The following ASIC2 variants were observed in gnomAD, a reference collection of about 807,000 sequenced individuals.
The protein encoded by ASIC2 is acid-sensing ion channel 2.
A neutral mutation model predicts 57.3 loss-of-function variants in ASIC2; 25 were observed. That is an observed-to-expected ratio of 0.44 (90% confidence interval 0.32 to 0.61). ASIC2 has a LOEUF of 0.61. Ranked by LOEUF, ASIC2 falls within the 20% of genes least tolerant of loss-of-function variation. ASIC2 has a pLI of 0.06. For missense variants in ASIC2, 641 were observed against 738.1 expected (o/e 0.87, Z 1.52); for synonymous variants, 319 against 307.5 (o/e 1.04, Z -0.39).
At chr17:33,158,260 G>A (rs768055652) in intron 1 of ASIC2, among the ~76,000 whole-genome samples, 5 of 151,618 alleles carry the variant, frequency 3.3e-5, no homozygotes, top group Middle Eastern at 3.4e-3. Context: ...GCGCATAGGA[G>A]GTGCTCAGCA....
At chr17:34,091,630 C>G in intron 1 of ASIC2, among the ~76,000 whole-genome samples, 1 of 152,198 alleles carries the variant, frequency 6.6e-6, no homozygotes, top group African/African-American at 2.4e-5. Flanking sequence ...ACTTTTCTTT[C>G]TCAAGTGGAA....
rs555092808 is a variant in ASIC2, at chr17:33,410,344, G to T, written c.556-298277C>A. On this transcript the variant is annotated intron_variant, in intron 1 of 9. Transcript: ENST00000359872. ...GTAGACTCTCATCTAGATGAGTAAGGGGTACTAAGGGTTTAGAAACGTACA... is the reference window on the plus strand; with the variant it reads ...GTAGACTCTCATCTAGATGAGTAAGTGGTACTAAGGGTTTAGAAACGTACA... Among the ~76,000 whole-genome samples, 6 of 152,252 alleles carry T rather than the reference G, an allele frequency of 3.9e-5. No individual in the cohort carries two copies. In the South Asian group the frequency reaches 1.2e-3, roughly 32 times the overall value.
intron 1 of ASIC2, among the ~76,000 whole-genome samples, chr17:33,764,941 G>C (rs1035827523): frequency 6.6e-6 from 1 of 152,020 alleles, no homozygotes; most frequent in Non-Finnish European, 1.5e-5. Context: ...CATCAGCCTG[G>C]GCGTATGCTG....
intron 5 of ASIC2, among the ~76,000 whole-genome samples, chr17:33,025,408 C>T (rs1454862767): frequency 6.6e-6 from 1 of 152,124 alleles, no homozygotes; most frequent in Non-Finnish European, 1.5e-5. Context: ...CATTTGCATG[C>T]ATGGAATGCA....
In ASIC2 at chr17:33,127,909, C is replaced by G. The variant is rs528063066; in HGVS notation, c.709-15842G>C. On this transcript the variant is annotated intron_variant, in intron 1 of 9. Coordinates refer to ENST00000225823, the MANE Select transcript of ASIC2 (RefSeq NM_183377.2). Reference sequence around the variant, plus strand: ...GGGCTGGCATATTGTTGAGAAATCACAAGACCTGGGCCCCACCCAATTCCT... The same window carrying G: ...GGGCTGGCATATTGTTGAGAAATCAGAAGACCTGGGCCCCACCCAATTCCT... Among the ~76,000 whole-genome samples, 17 of 152,332 alleles carry G rather than the reference C, an allele frequency of 1.1e-4. No homozygotes were observed. In the East Asian group the frequency reaches 3.1e-3, roughly 28 times the overall value.
chr17:33,875,861 CT>C (rs1175799578), intron 1 of ASIC2, among the ~76,000 whole-genome samples: 1 of 151,912 alleles, frequency 6.6e-6, no homozygotes, highest in Non-Finnish European at 1.5e-5. Context: ...ATAATCCCAG[CT>C]TTTGTAATAC....
At position 33,182,823 on chromosome 17, in the gene ASIC2, C is replaced by T. The variant is rs566610112; in HGVS notation, c.709-70756G>A. ...AGGTACACAATGGTAGACTGCTGTT[C>T]CTAAAGAAGTAAATTCGTTCCCGCC... On this transcript the variant is annotated intron_variant, in intron 1 of 9. Transcript: ENST00000225823. Among the ~76,000 whole-genome samples, 215 of 152,198 alleles carry T rather than the reference C, an allele frequency of 1.4e-3. 1 individual carries two copies. The highest frequency in any genetic ancestry group is 2.4e-3 in the Non-Finnish European group (165 of 68,018).
chr17:33,595,316 G>A (rs1171398778), intron 1 of ASIC2, among the ~76,000 whole-genome samples: 2 of 152,222 alleles, frequency 1.3e-5, no homozygotes, highest in Non-Finnish European at 2.9e-5. Flanking sequence ...CAGCTGGGAC[G>A]TCAGAGGGTT....
At chr17:33,797,949 G>C (rs1180541780) in intron 1 of ASIC2, among the ~76,000 whole-genome samples, 2 of 152,150 alleles carry the variant, frequency 1.3e-5, no homozygotes, top group African/African-American at 2.4e-5. Context: ...CAGCTGTACA[G>C]AGCCTGGCGA....
chr17:33,098,705 A>T (rs997259429), intron 2 of ASIC2, among the ~76,000 whole-genome samples: 2 of 152,168 alleles, frequency 1.3e-5, no homozygotes, highest in Non-Finnish European at 2.9e-5. Flanking sequence ...CAGCAAAAAC[A>T]TGTTATACTT....
At chr17:33,460,734 GA>G (rs1408444211) in intron 1 of ASIC2, among the ~76,000 whole-genome samples, 10 of 152,092 alleles carry the variant, frequency 6.6e-5, no homozygotes, top group Admixed American at 6.5e-4. Context: ...ATGACCCAGT[GA>G]GGTGCATACT....
intron 1 of ASIC2, among the ~76,000 whole-genome samples, chr17:33,408,842 G>C (rs1280527417): frequency 6.6e-6 from 1 of 152,200 alleles, no homozygotes; most frequent in Non-Finnish European, 1.5e-5. Context: ...CACAGAGTGA[G>C]GGATGAGAGA....
intron 1 of ASIC2, among the ~76,000 whole-genome samples, chr17:33,973,461 G>A (rs951525860): frequency 2.0e-5 from 3 of 152,206 alleles, no homozygotes; most frequent in Non-Finnish European, 2.9e-5. Context: ...TGTAGCAATA[G>A]GCCCAGACTT....
chr17:33,986,684 C>T (rs1373088403), intron 1 of ASIC2, among the ~76,000 whole-genome samples: 1 of 152,068 alleles, frequency 6.6e-6, no homozygotes, highest in African/African-American at 2.4e-5. Context: ...TAGGGTTTCA[C>T]ACCATGCCTT....
intron 1 of ASIC2, among the ~76,000 whole-genome samples, chr17:34,052,434 G>A (rs1255819072): frequency 6.6e-6 from 1 of 152,072 alleles, no homozygotes; most frequent in East Asian, 1.9e-4. Flanking sequence ...GACTGTTCAT[G>A]GCAAGTGGGA....
chr17:33,250,978 TGCAGATAGCAG>T (rs1208826543), intron 1 of ASIC2, among the ~76,000 whole-genome samples: 1 of 152,256 alleles, frequency 6.6e-6, no homozygotes, highest in Non-Finnish European at 1.5e-5. Context: ...ATTTTAAACC[TGCAGATAGCAG>T]GCCAAATTCT....
At chr17:33,519,085 G>T (rs1268868992) in intron 1 of ASIC2, among the ~76,000 whole-genome samples, 1 of 152,180 alleles carries the variant, frequency 6.6e-6, no homozygotes, top group East Asian at 1.9e-4. Flanking sequence ...CTCCCAAAGT[G>T]CTGGGATTAC....
At position 33,323,646 on chromosome 17, in the gene ASIC2, G is replaced by A. The variant is rs145687135; in HGVS notation, c.556-211579C>T. Among the ~76,000 whole-genome samples, 522 of 152,224 alleles carry A rather than the reference G, an allele frequency of 3.4e-3. 3 individuals carry two copies. The highest frequency in any genetic ancestry group is 4.9e-3 in the Non-Finnish European group (335 of 68,006). ...GGAGAATCACTTGAACCTGGGAGGC[G>A]GAGGTTGCAGTGAGCCAAGATTGTG... is the stretch of plus-strand genomic sequence containing the variant. On this transcript the variant is annotated intron_variant, in intron 1 of 9. Transcript: ENST00000359872.
chr17:34,102,905 A>G (rs562288469), intron 1 of ASIC2, among the ~76,000 whole-genome samples: 1 of 152,326 alleles, frequency 6.6e-6, no homozygotes, highest in South Asian at 2.1e-4. Context: ...CCAGTAATGG[A>G]CAGGCATTTC....
Sources: allele counts gnomAD v4.1 joint callset (sites outside exome capture counted in the v4.1 genomes callset), GRCh38; gene constraint gnomAD v4.1.1; transcripts MANE v1.5; gene names NCBI Gene and HGNC (gene_info 2026-07-23, HGNC 2026-07-21).